The following NSL1 variants were observed in gnomAD, a reference collection of about 807,000 sequenced individuals.
NSL1 encodes the protein kinetochore-associated protein NSL1 homolog.
A neutral mutation model predicts 25.4 loss-of-function variants in NSL1; 11 were observed. The ratio of observed to expected loss-of-function variants is 0.43; its 90% CI spans 0.27 to 0.72. NSL1 has a LOEUF of 0.72. Ranked by LOEUF, NSL1 falls within the 30% of genes least tolerant of loss-of-function variation. The pLI, the probability that NSL1 is intolerant of heterozygous loss-of-function variation, is 0.19. For missense variants in NSL1, 330 were observed against 342.7 expected, an observed-to-expected ratio of 0.96 and a Z score of 0.29; for synonymous variants, 118 against 120.6, an observed-to-expected ratio of 0.98 and a Z score of 0.14.
intron 4 of NSL1, among the ~76,000 whole-genome samples, chr1:212,770,443 T>C (rs1467292237): frequency 3.3e-5 from 5 of 151,936 alleles, no homozygotes; most frequent in Non-Finnish European, 7.4e-5. Flanking sequence ...TTCCTGGACA[T>C]ATACAACCTA....
In NSL1 at chr1:212,735,656, T is replaced by A; in HGVS notation, c.*2752A>T. 2.1e-6 allele frequency: 1 copy of A among 472,472 alleles called. No homozygotes were observed. The highest frequency in any genetic ancestry group is 2.8e-6 in the Non-Finnish European group (1 of 361,524). 29.3% of individuals were successfully genotyped at this position (472,472 alleles called of 1,614,324 possible). A position where few individuals can be genotyped will look rare whatever the true frequency, so the allele number is the denominator to read the frequency against. On this transcript the variant is annotated 3_prime_UTR_variant, in exon 6 of 6. Coordinates refer to ENST00000366977, the MANE Select transcript of NSL1 (RefSeq NM_015471.4). ...GAGATGGGGCCTCTAAGGAAATAAT[T>A]AAGGTTAAATGAGGCCATAAGGGTG...
Position 212,727,220 on chromosome 1 carries a change from C to CT in NSL1, c.*11187dup. 6.7e-7 allele frequency: 1 copy of CT among 1,487,990 alleles called. No individual in the cohort carries two copies. The highest frequency in any genetic ancestry group is 9.0e-7 in the Non-Finnish European group (1 of 1,116,414). The allele number at this position is 1,487,990 out of a possible 1,614,324, so 92.2% of individuals were successfully genotyped here. On this transcript the variant is annotated 3_prime_UTR_variant, in exon 6 of 6. Transcript: ENST00000366977. ...GGGGTGAATGGAATTTAGAAGATCT[C>CT]TTTTTCTGAAAACTATATATGGCTT...
At chr1:212,784,056 T>C (rs1248250193) in intron 3 of NSL1, 1 of 174,104 alleles carries the variant, frequency 5.7e-6, no homozygotes, top group Non-Finnish European at 1.2e-5. Context: ...AAGCTTCTTT[T>C]TCCATCCTTG....
At position 212,738,236 on chromosome 1, in the gene NSL1, G is replaced by A. The variant is rs1403189564; in HGVS notation, c.*172C>T. The A allele has an allele frequency of 2.2e-6, 3 of 1,364,094 alleles. No individual in the cohort carries two copies. Among genetic ancestry groups the A allele is most frequent in the Admixed American group, 3.2e-5 (1 of 31,180 alleles). 84.5% of individuals were successfully genotyped at this position (1,364,094 alleles called of 1,614,324 possible). A position where few individuals can be genotyped will look rare whatever the true frequency, so the allele number is the denominator to read the frequency against. ...TATTTACAATAGATAAAACAGTAAG[G>A]AAATACAATATTATATCATATCCCC... is the stretch of plus-strand genomic sequence containing the variant. On this transcript the variant is annotated 3_prime_UTR_variant, in exon 6 of 6. Transcript: ENST00000366977.
rs538834122 is a variant in NSL1, at chr1:212,729,558, T to G, written c.*8850A>C. The stretch of plus-strand genomic sequence containing the variant: ...ACAACTTTGCCCATTTTTATTATTC[T>G]GCCAGTGTCATCCCCTCATTTCTAC... On this transcript the variant is annotated 3_prime_UTR_variant, in exon 6 of 6. Coordinates refer to ENST00000366977, the MANE Select transcript of NSL1 (RefSeq NM_015471.4). 457 of 985,404 alleles carry G rather than the reference T, an allele frequency of 4.6e-4. No individual in the cohort carries two copies. The highest frequency in any genetic ancestry group is 5.3e-4 in the Non-Finnish European group (441 of 829,924). 61.0% of individuals were successfully genotyped at this position (985,404 alleles called of 1,614,324 possible). A position where few individuals can be genotyped will look rare whatever the true frequency, so the allele number is the denominator to read the frequency against.
At chr1:212,780,310 C>G (rs560543311) in intron 4 of NSL1, among the ~76,000 whole-genome samples, 4 of 151,990 alleles carry the variant, frequency 2.6e-5, no homozygotes, top group Non-Finnish European at 4.4e-5. Context: ...AGGCAGCGTG[C>G]TCGTTGAGAG....
chr1:212,785,233 T>A (rs1192882800), intron 2 of NSL1, among the ~76,000 whole-genome samples: 2 of 152,214 alleles, frequency 1.3e-5, no homozygotes, highest in African/African-American at 4.8e-5. Flanking sequence ...TACAGTGAGT[T>A]TAGAGTTTCT....
At position 212,736,097 on chromosome 1, in the gene NSL1, G is replaced by A. The variant is rs1169658938; in HGVS notation, c.*2311C>T. On this transcript the variant is annotated 3_prime_UTR_variant, in exon 6 of 6. Coordinates refer to ENST00000366977, the MANE Select transcript of NSL1 (RefSeq NM_015471.4). ...CTGTCACCCAGGCTGGAGTACAGTG[G>A]TGCCATCCTGGCTCACTGCAACTTC... The A allele has an allele frequency of 1.3e-5, 12 of 950,208 alleles. No individual in the cohort carries two copies. Among genetic ancestry groups the A allele is most frequent in the Non-Finnish European group, 1.3e-5 (10 of 797,976 alleles). 58.9% of individuals were successfully genotyped at this position (950,208 alleles called of 1,614,324 possible). A position where few individuals can be genotyped will look rare whatever the true frequency, so the allele number is the denominator to read the frequency against.
At chr1:212,756,317 GC>G (rs1310916786) in intron 4 of NSL1, among the ~76,000 whole-genome samples, 1 of 152,012 alleles carries the variant, frequency 6.6e-6, no homozygotes, top group East Asian at 1.9e-4. Flanking sequence ...ACGGGGTTTT[GC>G]CATGTTGCCC....
chr1:212,727,474 C>G lies in NSL1; in HGVS notation c.*10934G>C, dbSNP rs949536293. On this transcript the variant is annotated 3_prime_UTR_variant, in exon 6 of 6. Transcript: ENST00000366977. ...AAGTGACACAATTTCAAGCAGCAGT[C>G]AACTAAAACGATTCCTTTTGCAATT... 1.0e-6 allele frequency: 1 copy of G among 985,280 alleles called. No homozygotes were observed. The highest frequency in any genetic ancestry group is 1.7e-5 in the African/African-American group (1 of 57,230). The allele number at this position is 985,280 out of a possible 1,614,324, so 61.0% of individuals were successfully genotyped here. A position where few individuals can be genotyped will look rare whatever the true frequency, so the allele number is the denominator to read the frequency against.
At chr1:212,749,495 C>G (rs1022265453) in intron 4 of NSL1, among the ~76,000 whole-genome samples, 3 of 152,026 alleles carry the variant, frequency 2.0e-5, no homozygotes, top group Non-Finnish European at 4.4e-5. Flanking sequence ...GATCATAGCT[C>G]ACTGCAGCCT....
rs552548933 is a variant in NSL1, at chr1:212,738,525, T to C, written c.729A>G (p.Pro243=). 63 of 1,614,192 alleles carry C rather than the reference T, an allele frequency of 3.9e-5. No homozygotes were observed. In the South Asian group the frequency reaches 6.6e-4, roughly 17 times the overall value. The change falls in exon 6 of 6, where the codon CCA becomes CCG. Residue 243 remains proline, a synonymous_variant. Transcript: ENST00000366977. ...AGGTTTTCCTGGAAGCAGTCTCTGTTGGTGTGGTTTCTATCTGTGTTATAA... is the reference window on the plus strand; with the variant it reads ...AGGTTTTCCTGGAAGCAGTCTCTGTCGGTGTGGTTTCTATCTGTGTTATAA... ...ENFITQIETT[P]TETASRKTSD... is the part of the protein sequence containing the mutation.
intron 4 of NSL1, chr1:212,782,066 G>A (rs771518700): frequency 9.9e-6 from 6 of 608,600 alleles, no homozygotes; most frequent in Non-Finnish European, 1.6e-5. Flanking sequence ...GCAAAGAATA[G>A]ATAGTACAAT....
chr1:212,789,261 G>C (rs978386973), intron 1 of NSL1, among the ~76,000 whole-genome samples: 6 of 151,892 alleles, frequency 4.0e-5, no homozygotes, highest in African/African-American at 1.5e-4. Context: ...AACCAGGCTG[G>C]AGTGCAATGG....
chr1:212,747,309 T>C (rs969136899), intron 4 of NSL1, among the ~76,000 whole-genome samples: 19 of 152,178 alleles, frequency 1.2e-4, no homozygotes, highest in Admixed American at 2.6e-4. Flanking sequence ...CTGTCTTGGG[T>C]ATTCATTTAT....
intron 4 of NSL1, among the ~76,000 whole-genome samples, chr1:212,779,428 G>C (rs1660576463): frequency 7.2e-6 from 1 of 139,088 alleles, no homozygotes; most frequent in African/African-American, 2.7e-5. Context: ...CGGGAGGTGA[G>C]GGGCGCCTCT....
At position 212,728,144 on chromosome 1, in the gene NSL1, G is replaced by C; in HGVS notation, c.*10264C>G. 15 of 955,312 alleles carry C rather than the reference G, an allele frequency of 1.6e-5. No individual in the cohort carries two copies. The highest frequency in any genetic ancestry group is 1.9e-5 in the Non-Finnish European group (15 of 802,568). The allele number at this position is 955,312 out of a possible 1,614,324, so 59.2% of individuals were successfully genotyped here. On this transcript the variant is annotated 3_prime_UTR_variant, in exon 6 of 6. Transcript: ENST00000366977. ...GCCCTTAATTCATGGATTGTCTTGA[G>C]GATTAAAAGAGATGGTGCATGTGAA...
Position 212,770,627 on chromosome 1 carries a change from T to G in NSL1, c.499+11745A>C, listed in dbSNP as rs183163182. 9.2e-5 allele frequency among the ~76,000 whole-genome samples: 14 copies of G among 152,260 alleles called. No individual in the cohort carries two copies. In the East Asian group the frequency reaches 2.7e-3, roughly 29 times the overall value. Reference sequence around the variant, plus strand: ...ATTCTACCAAACTTATAAAGAAGAATTAACATCAATTCTTTTCAAACTATT... The same window carrying G: ...ATTCTACCAAACTTATAAAGAAGAAGTAACATCAATTCTTTTCAAACTATT... On this transcript the variant is annotated intron_variant, in intron 4 of 5. Coordinates refer to ENST00000366977, the MANE Select transcript of NSL1 (RefSeq NM_015471.4).
Position 212,737,832 on chromosome 1 carries a change from A to G in NSL1, c.*576T>C. ...GTTATCATTGTCTTACACAACAAAA[A>G]ATCCTAAAGTTAATCTCACAAACCT... On this transcript the variant is annotated 3_prime_UTR_variant, in exon 6 of 6. Coordinates refer to ENST00000366977, the MANE Select transcript of NSL1 (RefSeq NM_015471.4). 1.0e-6 allele frequency: 1 copy of G among 985,424 alleles called. No individual in the cohort carries two copies. Among genetic ancestry groups the G allele is most frequent in the Non-Finnish European group, 1.2e-6 (1 of 829,912 alleles). The allele number at this position is 985,424 out of a possible 1,614,324, so 61.0% of individuals were successfully genotyped here. A position where few individuals can be genotyped will look rare whatever the true frequency, so the allele number is the denominator to read the frequency against.
Sources: gnomAD v4.1 joint callset for allele counts (sites outside exome capture counted in the v4.1 genomes callset) on GRCh38, gnomAD v4.1.1 for gene constraint, MANE v1.5 for transcripts, NCBI Gene and HGNC (gene_info 2026-07-23, HGNC 2026-07-21) for gene names.